SLC25A41: variants seen among roughly 807,000 people sequenced by gnomAD.
SLC25A41 encodes mitochondrial carrier protein SCaMC-3L.
In SLC25A41, 35 loss-of-function variants were observed where a neutral mutation model predicts 34.7. The ratio of observed to expected loss-of-function variants is 1.01; its 90% CI spans 0.77 to 1.34. SLC25A41 has a LOEUF of 1.34. Among genes scored for constraint, SLC25A41 ranks in the 40% most tolerant of loss-of-function variants. SLC25A41 has a pLI of 0.00. For missense variants in SLC25A41, 492 were observed against 489.8 expected (o/e 1.00, Z -0.04); for synonymous variants, 190 against 209.9 (o/e 0.91, Z 0.82).
intron 1 of SLC25A41, 127 bp from the exon 2 acceptor site, chr19:6,432,331 G>T: frequency 2.0e-6 from 2 of 985,594 alleles, no homozygotes; most frequent in Non-Finnish European, 2.9e-6. Flanking sequence ...TTTTTTTTTC[G>T]AGACGGAGTC....
chr19:6,430,178 C>A lies in SLC25A41; in HGVS notation c.364-17G>T, dbSNP rs1332688474. ...GGAGTAGACCTGGGTGGAGGGAGGACCCTGGAGGAGCCCCTGCTCGCCTCT... is the reference window on the plus strand; with the variant it reads ...GGAGTAGACCTGGGTGGAGGGAGGAACCTGGAGGAGCCCCTGCTCGCCTCT... On this transcript the variant is annotated splice_polypyrimidine_tract_variant and intron_variant, in intron 2 of 6. Coordinates refer to ENST00000321510, the MANE Select transcript of SLC25A41 (RefSeq NM_173637.4). The A allele has an allele frequency of 8.1e-6, 13 of 1,602,074 alleles. No homozygotes were observed. The highest frequency in any genetic ancestry group is 2.2e-5 in the East Asian group (1 of 44,724).
chr19:6,430,300 A>G, intron 2 of SLC25A41, 139 bp from the exon 3 acceptor site: 1 of 1,001,896 alleles, frequency 1.0e-6, no homozygotes, highest in Non-Finnish European at 1.4e-6. Context: ...TTCCTTCTTC[A>G]GCTCCTTCCC....
rs757268543 is a variant in SLC25A41, at chr19:6,429,781, A to T, written c.567T>A (p.Arg189=). The T allele has an allele frequency of 2.5e-6, 4 of 1,610,104 alleles. No individual in the cohort carries two copies. Among genetic ancestry groups the T allele is most frequent in the Non-Finnish European group, 3.4e-6 (4 of 1,178,444 alleles). The stretch of plus-strand genomic sequence containing the variant: ...CCACAGCCAGGGAGCCAGCAAGGAG[A>T]CGCTCCTGGAAGGGCGGGGACCCTT... ...GIQGSPPFQE[R]LLAGSLAVAI... The change falls in exon 4 of 7, where the codon CGT becomes CGA. Residue 189 remains arginine, a synonymous_variant. Transcript: ENST00000321510.
In SLC25A41 at chr19:6,427,106, G is replaced by T; in HGVS notation, c.937C>A (p.Gln313Lys). The T allele has an allele frequency of 6.3e-7, 1 of 1,599,912 alleles. No homozygotes were observed. The highest frequency in any genetic ancestry group is 2.3e-5 in the East Asian group (1 of 44,186). The stretch of plus-strand genomic sequence containing the variant: ...TGGCCGCTGGGGACAGGCTGACCTT[G>T]GGCCTGCATCCTGGTGCGCACCAGA... ...LTLVRTRMQA[Q>K]DTVEGSNPTM... The change falls in exon 6 of 7, where the codon CAA becomes AAA. Residue 313 changes from glutamine (Q) to lysine (K), a missense_variant. Gln to Lys is a moderately conservative substitution (Grantham distance 53, BLOSUM62 1). Transcript: ENST00000321510. The surrounding 1 kb of genome is among the most constrained non-coding windows in gnomAD (Gnocchi z 4.9).
chr19:6,428,592 T>G (rs1026011328), intron 4 of SLC25A41, among the ~76,000 whole-genome samples: 7 of 147,696 alleles, frequency 4.7e-5, no homozygotes, highest in Non-Finnish European at 7.4e-5. Context: ...TAAATGTAAT[T>G]ATATAATTAG....
chr19:6,429,961 G>A (rs2092277455), intron 3 of SLC25A41, 48 bp downstream of exon 3: 2 of 1,601,426 alleles, frequency 1.2e-6, no homozygotes, highest in African/African-American at 1.3e-5. Context: ...TGGGGGCATG[G>A]GAGGGGTTTG....
chr19:6,432,314 C>A, intron 1 of SLC25A41, 110 bp from the exon 2 acceptor site: 1 of 1,253,164 alleles, frequency 8.0e-7, no homozygotes, highest in Non-Finnish European at 1.1e-6. Flanking sequence ...TCCCCCAAGT[C>A]TGCATTTTTT....
At chr19:6,429,512 A>AAG (rs1568350276) in intron 4 of SLC25A41, among the ~76,000 whole-genome samples, 9 of 8,202 alleles carry the variant, frequency 1.1e-3, no homozygotes, top group East Asian at 5.8e-3. Flanking sequence ...GAGGAGGAGG[A>AAG]GAGGAGGAAG....
chr19:6,433,318 G>C (rs972705253), intron 1 of SLC25A41, among the ~76,000 whole-genome samples, 169 bp downstream of exon 1: 1 of 152,126 alleles, frequency 6.6e-6, no homozygotes, highest in Non-Finnish European at 1.5e-5. Context: ...CAAAGTGCTG[G>C]GATTACATGT....
intron 4 of SLC25A41, among the ~76,000 whole-genome samples, chr19:6,428,938 C>T (rs1269882605): frequency 2.2e-5 from 3 of 134,570 alleles, no homozygotes; most frequent in Non-Finnish European, 3.1e-5. Flanking sequence ...TCTCAAACTC[C>T]TGGGCTCAAG....
chr19:6,434,421 C>T (rs572639966), upstream of SLC25A41, among the ~76,000 whole-genome samples: 161 of 152,148 alleles, frequency 1.1e-3, 1 homozygote, highest in East Asian at 1.9e-3. Flanking sequence ...CATGGGAGGA[C>T]GCAGCAAGAA....
At chr19:6,429,661 C>G in intron 4 of SLC25A41, 63 bp downstream of exon 4, 1 of 1,252,574 alleles carries the variant, frequency 8.0e-7, no homozygotes, top group South Asian at 1.4e-5. Flanking sequence ...GGAAGTAGCC[C>G]CAGCAACGTG....
intron 2 of SLC25A41, among the ~76,000 whole-genome samples, chr19:6,431,816 C>A (rs145233214): frequency 4.6e-5 from 7 of 152,072 alleles, no homozygotes; most frequent in Admixed American, 6.6e-5. Flanking sequence ...CTTGGCCCAG[C>A]GTTGGTCCCT....
rs1303393215 is a variant in SLC25A41, at chr19:6,429,146, T to C, written c.624+578A>G. Among the ~76,000 whole-genome samples the C allele has an allele frequency of 1.9e-4, 8 of 41,702 alleles. 1 individual carries two copies. The South Asian group carries it at 4.0e-3, about 21-fold the overall frequency. 27.4% of individuals were successfully genotyped at this position (41,702 alleles called of 152,430 possible). ...ATATATATGTTATATATATATATAA[T>C]ATATATATTATATATATAATATATA... On this transcript the variant is annotated intron_variant, in intron 4 of 6. Coordinates refer to ENST00000321510, the MANE Select transcript of SLC25A41 (RefSeq NM_173637.4).
chr19:6,426,624 A>G, intron 6 of SLC25A41, 63 bp from the exon 7 acceptor site: 1 of 1,571,434 alleles, frequency 6.4e-7, no homozygotes, highest in Non-Finnish European at 8.7e-7. Context: ...AGGAGTCTGG[A>G]ATGTTGCGGA....
rs747949948 is a variant in SLC25A41, at chr19:6,432,136, C to T, written c.276G>A (p.Leu92=). The change falls in exon 2 of 7, where the codon TTG becomes TTA. Residue 92 remains leucine, a synonymous_variant. Coordinates refer to ENST00000321510, the MANE Select transcript of SLC25A41 (RefSeq NM_173637.4). ...TAGCTCCTGAGAGTAGAAACTTCCACAAGGCCTCCTTGTTATCCACTTCCA... is the reference window on the plus strand; with the variant it reads ...TAGCTCCTGAGAGTAGAAACTTCCATAAGGCCTCCTTGTTATCCACTTCCA... ...EVLEVDNKEA[L]WKFLLSGAMA... The T allele has an allele frequency of 3.1e-6, 5 of 1,613,978 alleles. No individual in the cohort carries two copies. The East Asian group carries it at 8.9e-5, about 29-fold the overall frequency.
At position 6,428,073 on chromosome 19, in the gene SLC25A41, G is replaced by A. The variant is rs565763592; in HGVS notation, c.625-572C>T. 8.5e-5 allele frequency among the ~76,000 whole-genome samples: 13 copies of A among 152,206 alleles called. No homozygotes were observed. The South Asian group carries it at 2.7e-3, about 32-fold the overall frequency. ...CTACTCCGTAAGATACTACAATGGT[G>A]GATACAAGTCATTATACATTCCTCA... On this transcript the variant is annotated intron_variant, in intron 4 of 6. Coordinates refer to ENST00000321510, the MANE Select transcript of SLC25A41 (RefSeq NM_173637.4).
At position 6,426,303 on chromosome 19, in the gene SLC25A41, T is replaced by C; in HGVS notation, c.*86A>G. 1.1e-6 allele frequency: 1 copy of C among 904,924 alleles called. No individual in the cohort carries two copies. 56.1% of individuals were successfully genotyped at this position (904,924 alleles called of 1,614,324 possible). ...CAAAAACTGCCCCAGGGCCTGAACC[T>C]TGAGGCCTCGAGGGCTCTTTGGGGC... On this transcript the variant is annotated 3_prime_UTR_variant, in exon 7 of 7. Coordinates refer to ENST00000321510, the MANE Select transcript of SLC25A41 (RefSeq NM_173637.4).
intron 2 of SLC25A41, chr19:6,430,477 G>A (rs1599258191): frequency 4.8e-6 from 2 of 419,774 alleles, no homozygotes; most frequent in South Asian, 2.2e-5. Context: ...CCCTTCCTCC[G>A]TTCCTCCCTT....
Sources: gnomAD v4.1 joint callset for allele counts (sites outside exome capture counted in the v4.1 genomes callset) on GRCh38, gnomAD v4.1.1 for gene constraint, Gnocchi (gnomAD v3.1) non-coding constraint, MANE v1.5 for transcripts, NCBI Gene and HGNC (gene_info 2026-07-23, HGNC 2026-07-21) for gene names.